TNFAIP8: variants seen among roughly 807,000 people sequenced by gnomAD.
TNFAIP8 encodes the protein tumor necrosis factor alpha-induced protein 8.
Under a neutral mutation model 13.3 loss-of-function variants are expected in TNFAIP8, and 7 were observed. The ratio of observed to expected loss-of-function variants is 0.52; its 90% CI spans 0.30 to 0.99. The LOEUF is 0.99. TNFAIP8 is among the 50% of genes least tolerant of loss of function. The probability of loss-of-function intolerance (pLI) is 0.07; values close to 1 mark genes in which losing one functional copy is unlikely to be tolerated. For synonymous variants in TNFAIP8, 94 were observed against 87.6 expected, an observed-to-expected ratio of 1.07 and a Z score of -0.41; for missense variants, 258 against 236.9, an observed-to-expected ratio of 1.09 and a Z score of -0.58.
rs144112646 is a variant in TNFAIP8, at chr5:119,337,518, G to T, written c.2-55298G>T. ...CTATCTGAGCTGGATTTGATGAGAA[G>T]CTAAGAATGAGTGCTTGCTGGAGGT... On this transcript the variant is annotated intron_variant, in intron 1 of 1. Coordinates refer to the TNFAIP8 transcript ENST00000274456. Among the ~76,000 whole-genome samples the T allele has an allele frequency of 3.8e-4, 58 of 152,282 alleles. 1 individual carries two copies. The East Asian group carries it at 0.011, about 28-fold the overall frequency.
chr5:119,344,255 T>A (rs151084060), intron 1 of TNFAIP8, among the ~76,000 whole-genome samples: 1 of 152,316 alleles, frequency 6.6e-6, no homozygotes, highest in African/African-American at 2.4e-5. Flanking sequence ...AAGGAGCAGA[T>A]GTGTCACACA....
chr5:119,332,948 G>C (rs925659522), intron 1 of TNFAIP8, among the ~76,000 whole-genome samples: 1 of 152,100 alleles, frequency 6.6e-6, no homozygotes, highest in Admixed American at 6.5e-5. Context: ...TAGCAACATT[G>C]TCCAAACTCT....
intron 1 of TNFAIP8, among the ~76,000 whole-genome samples, chr5:119,384,705 C>T (rs546788173): frequency 6.6e-6 from 1 of 152,274 alleles, no homozygotes; most frequent in African/African-American, 2.4e-5. Context: ...TATTTTGAGA[C>T]TGACAGTCTT....
chr5:119,338,269 G>GCAGC (rs567297601), intron 1 of TNFAIP8, among the ~76,000 whole-genome samples: 31 of 151,262 alleles, frequency 2.0e-4, no homozygotes, highest in African/African-American at 7.0e-4. Context: ...TGTCAGGCAG[G>GCAGC]CAGCCACCCC....
intron 1 of TNFAIP8, among the ~76,000 whole-genome samples, chr5:119,314,939 T>C (rs541018013): frequency 6.6e-6 from 1 of 152,360 alleles, no homozygotes; most frequent in African/African-American, 2.4e-5. Context: ...TGGAGTGCAG[T>C]GGCATGATTT....
intron 1 of TNFAIP8, among the ~76,000 whole-genome samples, chr5:119,298,793 G>A (rs1207726618): frequency 6.6e-6 from 1 of 151,986 alleles, no homozygotes; most frequent in Non-Finnish European, 1.5e-5. Context: ...TTTCTTAGAG[G>A]CTTTGTTCGT....
intron 1 of TNFAIP8, among the ~76,000 whole-genome samples, chr5:119,306,042 A>G (rs764242069): frequency 3.3e-5 from 5 of 152,180 alleles, no homozygotes; most frequent in African/African-American, 4.8e-5. Flanking sequence ...CACCTCCCAG[A>G]TAAGGAGACT....
At chr5:119,291,994 G>A (rs996661388) in intron 1 of TNFAIP8, among the ~76,000 whole-genome samples, 1 of 152,166 alleles carries the variant, frequency 6.6e-6, no homozygotes, top group Non-Finnish European at 1.5e-5. Context: ...GCAGAGAGGA[G>A]AAGTGAAGTC....
rs1413293786 is a variant in TNFAIP8, at chr5:119,392,796, C to CTT, written c.32-19_32-18insTT. On this transcript the variant is annotated intron_variant, in intron 1 of 1. Transcript: ENST00000504771. The stretch of plus-strand genomic sequence containing the variant: ...TATTTACTAATTGTTAATTCTTTTC[C>CTT]TCTCTTTTTTTTTTTTTAGTGGCCA... 24 of 1,480,122 alleles carry CTT rather than the reference C, an allele frequency of 1.6e-5. No individual in the cohort carries two copies. Among genetic ancestry groups the CTT allele is most frequent in the Middle Eastern group, 1.8e-4 (1 of 5,704 alleles). The allele number at this position is 1,480,122 out of a possible 1,614,324, so 91.7% of individuals were successfully genotyped here.
Position 119,394,611 on chromosome 5 carries a change from A to ATTTTTTTTTTTTTTTTTTGTTTTT in TNFAIP8, c.*1248_*1249insGTTTTTTTTTTTTTTTTTTTTTTT, listed in dbSNP as rs1753027418. ...CATTTCCATTGTCACTGTGTCTATG[A>ATTTTTTTTTTTTTTTTTTGTTTTT]TTTTTTTTTTTTTTTTTTTGAGTCT... On this transcript the variant is annotated 3_prime_UTR_variant, in exon 2 of 2. Coordinates refer to ENST00000504771, the MANE Select transcript of TNFAIP8 (RefSeq NM_014350.4). The ATTTTTTTTTTTTTTTTTTGTTTTT allele has an allele frequency of 8.7e-6, 1 of 114,710 alleles. No individual in the cohort carries two copies. Among genetic ancestry groups the ATTTTTTTTTTTTTTTTTTGTTTTT allele is most frequent in the African/African-American group, 4.0e-5 (1 of 24,756 alleles). 7.1% of individuals were successfully genotyped at this position (114,710 alleles called of 1,614,324 possible).
At chr5:119,338,208 A>ACC (rs1750622123) in intron 1 of TNFAIP8, among the ~76,000 whole-genome samples, 2 of 131,516 alleles carry the variant, frequency 1.5e-5, no homozygotes, top group African/African-American at 8.4e-5. Flanking sequence ...ACACACACAC[A>ACC]CACCTTCTCA....
At chr5:119,358,414 T>C (rs2112781152) in intron 1 of TNFAIP8, among the ~76,000 whole-genome samples, 1 of 152,330 alleles carries the variant, frequency 6.6e-6, no homozygotes, top group Non-Finnish European at 1.5e-5. Flanking sequence ...GCTGGATATT[T>C]GTCCCCAGCC....
At chr5:119,302,784 C>G (rs1243270569) in intron 1 of TNFAIP8, among the ~76,000 whole-genome samples, 1 of 152,210 alleles carries the variant, frequency 6.6e-6, no homozygotes, top group African/African-American at 2.4e-5. Context: ...ACAGCAAACT[C>G]TCTTATCATA....
intron 1 of TNFAIP8, among the ~76,000 whole-genome samples, chr5:119,379,780 A>T (rs1271864209): frequency 1.3e-5 from 2 of 151,946 alleles, no homozygotes; most frequent in Non-Finnish European, 2.9e-5. Flanking sequence ...TTTAGTAGAG[A>T]TGGGGTCTCT....
chr5:119,343,143 A>C (rs1029300788), intron 1 of TNFAIP8, among the ~76,000 whole-genome samples: 1 of 149,254 alleles, frequency 6.7e-6, no homozygotes, highest in African/African-American at 2.4e-5. Flanking sequence ...TGGGGTTGAT[A>C]GGTGGCTAGT....
chr5:119,328,091 T>A (rs1195506774), intron 1 of TNFAIP8, among the ~76,000 whole-genome samples: 1 of 152,130 alleles, frequency 6.6e-6, no homozygotes, highest in Non-Finnish European at 1.5e-5. Flanking sequence ...TGAAATGGCT[T>A]CCAGGGAAGA....
chr5:119,333,528 C>T (rs563875206), intron 1 of TNFAIP8: 114 of 1,534,170 alleles, frequency 7.4e-5, no homozygotes, highest in Non-Finnish European at 8.8e-5. Context: ...ATAGTGTACA[C>T]GTCAACAGGG....
chr5:119,369,559 A>C (rs1161098270), intron 1 of TNFAIP8, among the ~76,000 whole-genome samples: 5 of 152,346 alleles, frequency 3.3e-5, no homozygotes, highest in African/African-American at 1.2e-4. Flanking sequence ...AATATTTTGC[A>C]GAATTAAAAC....
intron 1 of TNFAIP8, among the ~76,000 whole-genome samples, chr5:119,376,207 C>T (rs753799009): frequency 8.6e-5 from 13 of 151,876 alleles, no homozygotes; most frequent in East Asian, 1.9e-4. Context: ...CTCCCCGTCC[C>T]GGCTTCAAGA....
Sources: allele counts gnomAD v4.1 joint callset (sites outside exome capture counted in the v4.1 genomes callset), GRCh38; gene constraint gnomAD v4.1.1; transcripts MANE v1.5; gene names NCBI Gene and HGNC (gene_info 2026-07-23, HGNC 2026-07-21).